The following QPRT variants were observed in gnomAD, a reference collection of about 807,000 sequenced individuals.
QPRT encodes the protein nicotinate-nucleotide pyrophosphorylase [carboxylating].
In QPRT, 17 loss-of-function variants were observed where a neutral mutation model predicts 19.8. That is an observed-to-expected ratio of 0.86 (90% confidence interval 0.59 to 1.29). The LOEUF (loss-of-function observed/expected upper bound fraction) is 1.29, where lower values mean the gene tolerates loss of function less well. Among genes scored for constraint, QPRT ranks in the 50% most tolerant of loss-of-function variants. The pLI, the probability that QPRT is intolerant of heterozygous loss-of-function variation, is 0.00. For missense variants in QPRT, 336 were observed against 405.1 expected (o/e 0.83, Z 1.46); for synonymous variants, 178 against 191.0 (o/e 0.93, Z 0.56).
chr16:29,683,367 T>C (rs1159886256), intron 1 of QPRT, among the ~76,000 whole-genome samples: 1 of 151,658 alleles, frequency 6.6e-6, no homozygotes, highest in Non-Finnish European at 1.5e-5. Context: ...CTTTTTTTTT[T>C]TTCCCTGAGG....
rs1967585419 is a variant in QPRT, at chr16:29,697,470, T to G, written c.*59T>G. On this transcript the variant is annotated 3_prime_UTR_variant, in exon 4 of 4. Coordinates refer to ENST00000395384, the MANE Select transcript of QPRT (RefSeq NM_014298.6). The surrounding 1 kb of genome is among the most constrained non-coding windows in gnomAD (Gnocchi z 4.4). ...GTTAACGTGGCTCCTCAGGACCCTCTGGGTCACACATCTTTAGGGTCAGTG... is the reference window on the plus strand; with the variant it reads ...GTTAACGTGGCTCCTCAGGACCCTCGGGGTCACACATCTTTAGGGTCAGTG... The G allele has an allele frequency of 6.6e-6, 10 of 1,517,088 alleles. No homozygotes were observed. The highest frequency in any genetic ancestry group is 9.0e-6 in the Non-Finnish European group (10 of 1,117,288). The allele number at this position is 1,517,088 out of a possible 1,614,324, so 94.0% of individuals were successfully genotyped here. A position where few individuals can be genotyped will look rare whatever the true frequency, so the allele number is the denominator to read the frequency against.
At chr16:29,684,318 G>A (rs1040133779) in intron 1 of QPRT, among the ~76,000 whole-genome samples, 3 of 151,690 alleles carry the variant, frequency 2.0e-5, no homozygotes, top group South Asian at 2.1e-4. Context: ...TTTTTGAGAC[G>A]GAGTTTTGCT....
chr16:29,683,611 G>A (rs1042348474), intron 1 of QPRT, among the ~76,000 whole-genome samples: 1 of 152,006 alleles, frequency 6.6e-6, no homozygotes, highest in Non-Finnish European at 1.5e-5. Flanking sequence ...CTTCTGCCTC[G>A]GCCTCCCAAA....
chr16:29,694,535 C>G, intron 1 of QPRT, 129 bp from the exon 2 acceptor site: 1 of 1,053,154 alleles, frequency 9.5e-7, no homozygotes, highest in Non-Finnish European at 1.3e-6. Context: ...GCAGTCCCCC[C>G]CCTGGGACCC....
At chr16:29,694,054 A>T (rs1967434267) in intron 1 of QPRT, among the ~76,000 whole-genome samples, 1 of 151,438 alleles carries the variant, frequency 6.6e-6, no homozygotes, top group African/African-American at 2.4e-5. Context: ...ACCTCAAGTG[A>T]TCTGCCTGCC....
At chr16:29,683,578 C>G (rs1305000238) in intron 1 of QPRT, among the ~76,000 whole-genome samples, 1 of 152,016 alleles carries the variant, frequency 6.6e-6, no homozygotes, top group Non-Finnish European at 1.5e-5. Context: ...AGGCTGGTCT[C>G]AAACTCCTGG....
chr16:29,684,948 T>C (rs893720948), intron 1 of QPRT, among the ~76,000 whole-genome samples: 2 of 151,876 alleles, frequency 1.3e-5, no homozygotes, highest in Admixed American at 6.6e-5. Flanking sequence ...CTCAGTGGGG[T>C]CACCGCCCCC....
intron 1 of QPRT, among the ~76,000 whole-genome samples, chr16:29,679,595 C>T (rs898699321): frequency 2.0e-5 from 3 of 151,834 alleles, no homozygotes; most frequent in Non-Finnish European, 4.4e-5. Flanking sequence ...AAAGTCCTGT[C>T]CCTTCTGCAG....
At chr16:29,692,382 C>T (rs979075230) in intron 1 of QPRT, among the ~76,000 whole-genome samples, 1 of 151,764 alleles carries the variant, frequency 6.6e-6, no homozygotes, top group Admixed American at 6.6e-5. Context: ...AGATTGAGAC[C>T]ATCCCAGCTA....
At chr16:29,679,614 G>C (rs1966931782) in intron 1 of QPRT, among the ~76,000 whole-genome samples, 1 of 152,092 alleles carries the variant, frequency 6.6e-6, no homozygotes, top group South Asian at 2.1e-4. Flanking sequence ...AGCTGGGTGG[G>C]GGAGGGGGCT....
chr16:29,697,119 A>C lies in QPRT; in HGVS notation c.673A>C (p.Lys225Gln), dbSNP rs961930967. The stretch of plus-strand genomic sequence containing the variant: ...CGACCTTGTCCTGCTGGACAACTTC[A>C]AGCCAGAGGTAAGGTGGGCTCTGCC... ...GADLVLLDNF[K>Q]PEELHPTATV... The change falls in exon 3 of 4, where the codon AAG becomes CAG. Residue 225 changes from lysine (K) to glutamine (Q), a missense_variant. Lys to Gln is a moderately conservative substitution (Grantham distance 53). Coordinates refer to ENST00000395384, the MANE Select transcript of QPRT (RefSeq NM_014298.6). The surrounding 1 kb of genome is among the most constrained non-coding windows in gnomAD (Gnocchi z 4.4). 5 of 1,606,054 alleles carry C rather than the reference A, an allele frequency of 3.1e-6. No homozygotes were observed. Among genetic ancestry groups the C allele is most frequent in the Non-Finnish European group, 4.3e-6 (5 of 1,174,464 alleles).
intron 1 of QPRT, among the ~76,000 whole-genome samples, chr16:29,692,554 G>T (rs1211988413): frequency 7.4e-5 from 11 of 147,654 alleles, no homozygotes; most frequent in Non-Finnish European, 1.3e-4. Flanking sequence ...GCAACAGAAC[G>T]AGACTATCTC....
At chr16:29,694,196 G>A (rs957994373) in intron 1 of QPRT, among the ~76,000 whole-genome samples, 31 of 150,902 alleles carry the variant, frequency 2.1e-4, no homozygotes, top group Admixed American at 1.3e-3. Flanking sequence ...TCGGCTCACT[G>A]CAAGCTCCAC....
intron 1 of QPRT, among the ~76,000 whole-genome samples, chr16:29,684,636 C>G (rs976341068): frequency 1.3e-5 from 2 of 152,122 alleles, no homozygotes; most frequent in Non-Finnish European, 2.9e-5. Context: ...CGTGAGCCAC[C>G]GCGCCTGGCC....
At chr16:29,682,954 A>G (rs1047708536) in intron 1 of QPRT, among the ~76,000 whole-genome samples, 3 of 151,212 alleles carry the variant, frequency 2.0e-5, no homozygotes, top group African/African-American at 7.3e-5. Context: ...GGGTCTCACT[A>G]TATTGCACAG....
intron 1 of QPRT, among the ~76,000 whole-genome samples, chr16:29,691,297 G>T (rs556056466): frequency 6.8e-6 from 1 of 146,674 alleles, no homozygotes; most frequent in Non-Finnish European, 1.5e-5. Context: ...CCCGCGGGAC[G>T]GAGGTTGCAG....
In QPRT at chr16:29,694,909, G is replaced by A. The variant is rs866783667; in HGVS notation, c.259G>A (p.Val87Met). ...EGSKLVPVARVAEVRGPAHCL... is the reference protein window; with the variant it reads ...EGSKLVPVARMAEVRGPAHCL... ...ATCGAAGCTGGTGCCGGTGGCCAGA[G>A]TGGCCGAGGTCCGGGGCCCTGCCCA... The change falls in exon 2 of 4, where the codon GTG (valine) becomes ATG (methionine). Residue 87 changes from valine (V) to methionine (M), a missense_variant. Transcript: ENST00000395384. 1.2e-6 allele frequency: 2 copies of A among 1,613,922 alleles called. No homozygotes were observed. Among genetic ancestry groups the A allele is most frequent in the Middle Eastern group, 1.6e-4 (1 of 6,062 alleles).
chr16:29,694,117 G>A (rs1439926930), intron 1 of QPRT, among the ~76,000 whole-genome samples: 3 of 150,340 alleles, frequency 2.0e-5, no homozygotes, highest in Non-Finnish European at 3.0e-5. Flanking sequence ...CACCCGGTCA[G>A]AAGTTTAATT....
At chr16:29,691,411 G>A (rs1045212313) in intron 1 of QPRT, among the ~76,000 whole-genome samples, 1 of 149,564 alleles carries the variant, frequency 6.7e-6, no homozygotes, top group Non-Finnish European at 1.5e-5. Flanking sequence ...TGGGCACAGT[G>A]GCTCACTCCT....
Sources: gnomAD v4.1 joint callset for allele counts (sites outside exome capture counted in the v4.1 genomes callset) on GRCh38, gnomAD v4.1.1 for gene constraint, Gnocchi (gnomAD v3.1) non-coding constraint, MANE v1.5 for transcripts, NCBI Gene and HGNC (gene_info 2026-07-23, HGNC 2026-07-21) for gene names.